EVC2: variants seen among roughly 807,000 people sequenced by gnomAD.
EVC2 encodes the protein EvC ciliary complex subunit 2.
A neutral mutation model predicts 149.3 loss-of-function variants in EVC2; 148 were observed. That is an observed-to-expected ratio of 0.99 (90% CI 0.87 to 1.14). The LOEUF (loss-of-function observed/expected upper bound fraction) is 1.14. Ranked by LOEUF, EVC2 falls within the 50% of genes most tolerant of loss-of-function variation. EVC2 has a pLI of 0.00. For synonymous variants in EVC2, 776 were observed against 649.9 expected (o/e 1.19, Z -2.95); for missense variants, 1,854 against 1,627.3 (o/e 1.14, Z -2.40).
At position 5,687,706 on chromosome 4, in the gene EVC2, G is replaced by A. The variant is rs570926237; in HGVS notation, c.706+1451C>T. Among the ~76,000 whole-genome samples, 11 of 152,278 alleles carry A rather than the reference G, an allele frequency of 7.2e-5. No homozygotes were observed. In the East Asian group the frequency reaches 1.7e-3, roughly 24 times the overall value. On this transcript the variant is annotated intron_variant, in intron 5 of 21. Coordinates refer to ENST00000344408, the MANE Select transcript of EVC2 (RefSeq NM_147127.5). ...TTTCCTGACCCACACAAGAGCAAGA[G>A]TAGATGCTAGGAGATAGGAGAAGGG...
intron 16 of EVC2, among the ~76,000 whole-genome samples, chr4:5,596,156 TCAA>T (rs1317882117): frequency 4.6e-5 from 7 of 152,074 alleles, no homozygotes; most frequent in African/African-American, 1.7e-4. Context: ...ATTAGACATA[TCAA>T]CAAGACAGAA....
intron 9 of EVC2, among the ~76,000 whole-genome samples, chr4:5,662,126 C>A (rs1040114051): frequency 3.3e-5 from 5 of 152,192 alleles, no homozygotes; most frequent in African/African-American, 1.2e-4. Context: ...ACATCAGCCA[C>A]ACTTGGCTAC....
chr4:5,644,755 T>C (rs887257157), intron 9 of EVC2, among the ~76,000 whole-genome samples: 4 of 152,212 alleles, frequency 2.6e-5, no homozygotes, highest in Non-Finnish European at 5.9e-5. Context: ...TTTTTAGCTC[T>C]CACATATGAG....
chr4:5,690,563 C>G (rs1029897216), intron 4 of EVC2, among the ~76,000 whole-genome samples: 1 of 152,100 alleles, frequency 6.6e-6, no homozygotes, highest in African/African-American at 2.4e-5. Context: ...GTGCTCCATG[C>G]CTATGTGACT....
intron 21 of EVC2, among the ~76,000 whole-genome samples, chr4:5,550,679 A>G (rs1368629066): frequency 1.3e-5 from 2 of 152,244 alleles, no homozygotes; most frequent in African/African-American, 2.4e-5. Context: ...GAGGAGCCCA[A>G]TGTTAATCCC....
At chr4:5,649,740 G>C (rs1034245157) in intron 9 of EVC2, among the ~76,000 whole-genome samples, 1 of 152,116 alleles carries the variant, frequency 6.6e-6, no homozygotes, top group Non-Finnish European at 1.5e-5. Flanking sequence ...AAGCACAATA[G>C]ACCCCCAAAA....
chr4:5,678,366 A>T (rs1720130314), intron 7 of EVC2, among the ~76,000 whole-genome samples: 1 of 152,200 alleles, frequency 6.6e-6, no homozygotes, highest in Non-Finnish European at 1.5e-5. Context: ...GGGGAGATGA[A>T]GCATCCCCTC....
chr4:5,581,946 G>GTTAAGC (rs1407921271), intron 17 of EVC2, among the ~76,000 whole-genome samples: 6 of 152,238 alleles, frequency 3.9e-5, no homozygotes, highest in Non-Finnish European at 8.8e-5. Context: ...TCCATGTGGT[G>GTTAAGC]TTAAGCCTGC....
chr4:5,536,762 C>T, the EVC2 span, among the ~76,000 whole-genome samples: 3 of 149,548 alleles, frequency 2.0e-5, no homozygotes, highest in Non-Finnish European at 1.5e-5. Context: ...CCAGCCTGGG[C>T]GACAGAGCAA....
At chr4:5,641,235 C>T (rs944733120) in intron 9 of EVC2, among the ~76,000 whole-genome samples, 8 of 152,100 alleles carry the variant, frequency 5.3e-5, no homozygotes, top group Admixed American at 2.0e-4. Context: ...AATGTCATAT[C>T]CTGGACGGAA....
downstream of EVC2, among the ~76,000 whole-genome samples, chr4:5,539,848 C>T (rs1283750410): frequency 6.6e-6 from 1 of 151,602 alleles, no homozygotes; most frequent in Non-Finnish European, 1.5e-5. Context: ...GACACCAAAG[C>T]AAAATCCATA....
chr4:5,557,999 G>T (rs1721869028), downstream of EVC2, among the ~76,000 whole-genome samples: 1 of 152,044 alleles, frequency 6.6e-6, no homozygotes, highest in Non-Finnish European at 1.5e-5. Flanking sequence ...CTGACCTATA[G>T]AATCTATAGG....
chr4:5,607,936 AAGGGGAGGAGAC>A (rs988940206), intron 16 of EVC2, among the ~76,000 whole-genome samples: 26 of 151,768 alleles, frequency 1.7e-4, no homozygotes, highest in Admixed American at 1.1e-3. Context: ...AAATGAGAGA[AAGGGGAGGAGAC>A]AGGGGAGGCA....
In EVC2 at chr4:5,637,791, T is replaced by G. The variant is rs1357520759; in HGVS notation, c.1470+2723A>C. Reference sequence around the variant, plus strand: ...TGAATGATCCTCTGCCACTGAGTTGTGGGATGGGCTTCTCTCTTTTTTTTT... The same window carrying G: ...TGAATGATCCTCTGCCACTGAGTTGGGGGATGGGCTTCTCTCTTTTTTTTT... On this transcript the variant is annotated intron_variant, in intron 10 of 21. Transcript: ENST00000344408. This position sits in a 1 kb window ranked among gnomAD's most constrained non-coding sequence, Gnocchi z 4.4. Among the ~76,000 whole-genome samples the G allele has an allele frequency of 1.3e-5, 2 of 150,496 alleles. No individual in the cohort carries two copies. Among genetic ancestry groups the G allele is most frequent in the Non-Finnish European group, 3.0e-5 (2 of 67,730 alleles).
intron 11 of EVC2, among the ~76,000 whole-genome samples, chr4:5,631,570 G>A (rs182840854): frequency 4.6e-5 from 7 of 151,226 alleles, no homozygotes; most frequent in African/African-American, 1.2e-4. Flanking sequence ...AGTAGACTGG[G>A]GGGGGGAACT....
At chr4:5,698,538 T>C (rs1297007106) in intron 1 of EVC2, among the ~76,000 whole-genome samples, 1 of 152,146 alleles carries the variant, frequency 6.6e-6, no homozygotes, top group African/African-American at 2.4e-5. Context: ...ACCCTTCCAA[T>C]TTACCTTTAT....
At chr4:5,533,634 T>C in the EVC2 span, among the ~76,000 whole-genome samples, 1 of 152,180 alleles carries the variant, frequency 6.6e-6, no homozygotes, top group African/African-American at 2.4e-5. Flanking sequence ...CGCCAGGGCA[T>C]CTAGCTGTGG....
At chr4:5,592,104 G>A (rs966858794) in intron 16 of EVC2, among the ~76,000 whole-genome samples, 19 of 152,186 alleles carry the variant, frequency 1.2e-4, no homozygotes, top group African/African-American at 4.6e-4. Flanking sequence ...ATGCAAGGGT[G>A]AGCTAGCTAG....
intron 19 of EVC2, among the ~76,000 whole-genome samples, chr4:5,571,823 TTGG>T (rs1341684617): frequency 6.6e-6 from 1 of 152,194 alleles, no homozygotes; most frequent in Non-Finnish European, 1.5e-5. Flanking sequence ...AACATGTAAA[TTGG>T]TGGACTCTGA....
Sources: gnomAD v4.1 joint callset for allele counts (sites outside exome capture counted in the v4.1 genomes callset) on GRCh38, gnomAD v4.1.1 for gene constraint, Gnocchi (gnomAD v3.1) non-coding constraint, MANE v1.5 for transcripts, NCBI Gene and HGNC (gene_info 2026-07-23, HGNC 2026-07-21) for gene names.